Variants in SLC4A4 observed in about 807,000 individuals in gnomAD.
The protein encoded by SLC4A4 is electrogenic sodium bicarbonate cotransporter 1.
In SLC4A4, 27 loss-of-function variants were observed where a neutral mutation model predicts 111.5. The observed-to-expected ratio is 0.24, with a 90% CI of 0.18 to 0.33. The LOEUF (loss-of-function observed/expected upper bound fraction) is 0.33, where lower values mean the gene tolerates loss of function less well. Ranked by LOEUF, SLC4A4 falls within the 10% of genes least tolerant of loss-of-function variation. SLC4A4 has a pLI of 1.00. For missense variants in SLC4A4, 909 were observed against 1,315.5 expected, an observed-to-expected ratio of 0.69 and a Z score of 4.78; for synonymous variants, 443 against 463.4, an observed-to-expected ratio of 0.96 and a Z score of 0.57.
intron 3 of SLC4A4, among the ~76,000 whole-genome samples, chr4:71,281,202 A>G (rs1299009068): frequency 6.6e-6 from 1 of 152,234 alleles, no homozygotes; most frequent in African/African-American, 2.4e-5. Context: ...AGCAGATGCT[A>G]GACGTTGTGT....
chr4:71,277,565 TTTCCTTCC>T (rs202241916), intron 3 of SLC4A4, among the ~76,000 whole-genome samples: 7 of 149,876 alleles, frequency 4.7e-5, no homozygotes, highest in South Asian at 2.2e-4. Flanking sequence ...TCTCTTTTTC[TTTCCTTCC>T]TTCCTTCCTT....
chr4:71,253,556 G>A (rs1015998109), intron 2 of SLC4A4, among the ~76,000 whole-genome samples: 18 of 152,124 alleles, frequency 1.2e-4, no homozygotes, highest in Non-Finnish European at 2.4e-4. Flanking sequence ...GAAGCAATTG[G>A]TTGGCTTTGC....
At chr4:71,399,069 T>C (rs1470372919) in intron 7 of SLC4A4, among the ~76,000 whole-genome samples, 1 of 152,190 alleles carries the variant, frequency 6.6e-6, no homozygotes, top group Non-Finnish European at 1.5e-5. Context: ...AGCATTTATA[T>C]TAGGTATTAT....
At chr4:71,492,801 G>T (rs1344718512) in intron 15 of SLC4A4, among the ~76,000 whole-genome samples, 1 of 151,818 alleles carries the variant, frequency 6.6e-6, no homozygotes, top group African/African-American at 2.4e-5. Context: ...CGAGAGTTCT[G>T]CAAAAACCAG....
At chr4:71,124,266 G>A (rs1041725246) in intron 2 of SLC4A4, among the ~76,000 whole-genome samples, 1 of 151,060 alleles carries the variant, frequency 6.6e-6, no homozygotes, top group South Asian at 2.1e-4. Flanking sequence ...TTTGCCTCCT[G>A]GTTCAAGCGA....
At chr4:71,342,540 A>G (rs1728978558) in intron 4 of SLC4A4, among the ~76,000 whole-genome samples, 2 of 152,274 alleles carry the variant, frequency 1.3e-5, no homozygotes, top group Admixed American at 1.3e-4. Flanking sequence ...TATATATTTC[A>G]TAGCTCTAAA....
At chr4:71,485,263 G>A (rs182386344) in intron 14 of SLC4A4, among the ~76,000 whole-genome samples, 39 of 151,852 alleles carry the variant, frequency 2.6e-4, no homozygotes, top group African/African-American at 8.9e-4. Flanking sequence ...GATGTTGGCT[G>A]TGGGTTTGTC....
At chr4:71,396,030 C>T (rs1001357040) in intron 6 of SLC4A4, among the ~76,000 whole-genome samples, 9 of 152,182 alleles carry the variant, frequency 5.9e-5, no homozygotes, top group Non-Finnish European at 1.3e-4. Context: ...GTTTCAATCT[C>T]AGCATTATTT....
intron 3 of SLC4A4, among the ~76,000 whole-genome samples, chr4:71,285,501 G>A (rs911544107): frequency 1.3e-5 from 2 of 152,050 alleles, no homozygotes; most frequent in African/African-American, 4.8e-5. Context: ...GTTTACTGGG[G>A]GCTGGGGCTT....
intron 7 of SLC4A4, among the ~76,000 whole-genome samples, chr4:71,439,471 A>T: frequency 7.4e-6 from 1 of 135,718 alleles, no homozygotes; most frequent in African/African-American, 2.8e-5. Flanking sequence ...AAAAAAAAAA[A>T]GAAAAGAAAA....
At chr4:71,548,810 A>G (rs1000920400) in intron 20 of SLC4A4, among the ~76,000 whole-genome samples, 2 of 151,942 alleles carry the variant, frequency 1.3e-5, no homozygotes, top group African/African-American at 2.4e-5. Flanking sequence ...AAAGTTAGCA[A>G]ATTTTATGTC....
intron 20 of SLC4A4, among the ~76,000 whole-genome samples, chr4:71,554,291 A>G (rs1022929616): frequency 1.3e-5 from 2 of 151,812 alleles, no homozygotes; most frequent in African/African-American, 4.8e-5. Context: ...TCCTGAAATT[A>G]CTTGAACTTC....
At chr4:71,234,788 C>G (rs1020256298) in intron 1 of SLC4A4, among the ~76,000 whole-genome samples, 4 of 152,128 alleles carry the variant, frequency 2.6e-5, no homozygotes, top group African/African-American at 9.7e-5. Flanking sequence ...CAACCCATAT[C>G]CTGCTTGCAT....
chr4:71,302,962 G>T (rs1056493733), intron 3 of SLC4A4, among the ~76,000 whole-genome samples: 5 of 152,082 alleles, frequency 3.3e-5, no homozygotes, highest in African/African-American at 1.2e-4. Context: ...TTCACTTTTT[G>T]TAGTAATCAC....
chr4:71,219,557 A>G (rs143691627), intron 1 of SLC4A4, among the ~76,000 whole-genome samples: 1 of 152,362 alleles, frequency 6.6e-6, no homozygotes, highest in East Asian at 1.9e-4. Flanking sequence ...TGGATCAAGG[A>G]GTAATTTCGA....
chr4:71,308,809 C>A (rs566449923), intron 3 of SLC4A4, among the ~76,000 whole-genome samples: 92 of 152,162 alleles, frequency 6.0e-4, no homozygotes, highest in Non-Finnish European at 1.2e-3. Context: ...AGGCTAGCTG[C>A]ACGTGTGTTT....
intron 3 of SLC4A4, among the ~76,000 whole-genome samples, chr4:71,338,860 G>A (rs1414954214): frequency 1.5e-5 from 2 of 136,006 alleles, no homozygotes; most frequent in African/African-American, 5.4e-5. Flanking sequence ...TTTGCAGTTA[G>A]CCAGTTATTG....
intron 3 of SLC4A4, among the ~76,000 whole-genome samples, chr4:71,328,614 G>C (rs1038678948): frequency 2.6e-5 from 4 of 152,000 alleles, no homozygotes; most frequent in African/African-American, 9.7e-5. Flanking sequence ...TTAGTTGTAT[G>C]TCTTATTTTA....
Position 71,456,881 on chromosome 4 carries a change from G to A in SLC4A4, c.1497+3212G>A, listed in dbSNP as rs575925919. On this transcript the variant is annotated intron_variant, in intron 12 of 25. Transcript: ENST00000264485. The stretch of plus-strand genomic sequence containing the variant: ...ACCAAGACTAAGCAGAAAAGCATTG[G>A]CAGAGCCTGAAATAATCTGCAGTTA... 4.6e-5 allele frequency among the ~76,000 whole-genome samples: 7 copies of A among 152,238 alleles called. No individual in the cohort carries two copies. In the South Asian group the frequency reaches 6.2e-4, roughly 14 times the overall value.
Sources: gnomAD v4.1 joint callset for allele counts (sites outside exome capture counted in the v4.1 genomes callset) on GRCh38, gnomAD v4.1.1 for gene constraint, MANE v1.5 for transcripts, NCBI Gene and HGNC (gene_info 2026-07-23, HGNC 2026-07-21) for gene names.